NRG1: variants seen among roughly 807,000 people sequenced by gnomAD.
The protein encoded by NRG1 is pro-neuregulin-1, membrane-bound isoform.
Under a neutral mutation model 63.8 loss-of-function variants are expected in NRG1, and 18 were observed. The observed-to-expected ratio is 0.28, with a 90% CI of 0.19 to 0.42. The LOEUF is 0.42. Among genes scored for constraint, NRG1 ranks in the 10% least tolerant of loss-of-function variants. NRG1 has a pLI of 1.00. For missense variants in NRG1, 762 were observed against 814.7 expected (o/e 0.94, Z 0.79); for synonymous variants, 302 against 301.3 (o/e 1.00, Z -0.02).
intron 1 of NRG1, among the ~76,000 whole-genome samples, chr8:32,172,644 A>G (rs944340983): frequency 1.3e-5 from 2 of 152,230 alleles, no homozygotes; most frequent in African/African-American, 2.4e-5. Flanking sequence ...GATGTCCTTA[A>G]AGGACCTGAT....
At chr8:31,910,175 G>A (rs1832826468) in intron 1 of NRG1, among the ~76,000 whole-genome samples, 1 of 152,202 alleles carries the variant, frequency 6.6e-6, no homozygotes, top group Non-Finnish European at 1.5e-5. Context: ...ATGACACATA[G>A]GAAAGAATGT....
At chr8:31,889,924 C>A (rs993389901) in intron 1 of NRG1, among the ~76,000 whole-genome samples, 2 of 151,866 alleles carry the variant, frequency 1.3e-5, no homozygotes, top group Admixed American at 1.3e-4. Flanking sequence ...TATTAATTAA[C>A]CTGATAATTA....
At chr8:31,866,810 T>C (rs1187743410) in intron 1 of NRG1, among the ~76,000 whole-genome samples, 1 of 152,160 alleles carries the variant, frequency 6.6e-6, no homozygotes, top group Non-Finnish European at 1.5e-5. Flanking sequence ...TTCCATTGTT[T>C]AGTTATAAAG....
chr8:31,873,798 G>A (rs1393463787), intron 1 of NRG1, among the ~76,000 whole-genome samples: 1 of 152,166 alleles, frequency 6.6e-6, no homozygotes, highest in African/African-American at 2.4e-5. Context: ...GAATTTGTGT[G>A]TTTTAAAATA....
chr8:31,648,962 C>CT (rs58167732), intron 1 of NRG1, among the ~76,000 whole-genome samples: 3 of 136,582 alleles, frequency 2.2e-5, no homozygotes, highest in African/African-American at 8.2e-5. Flanking sequence ...TTTTTCTTTT[C>CT]TTTTTTTTTT....
chr8:32,135,075 G>A (rs1029976323), intron 1 of NRG1, among the ~76,000 whole-genome samples: 4 of 152,128 alleles, frequency 2.6e-5, no homozygotes, highest in African/African-American at 9.7e-5. Flanking sequence ...TGATGCTAAA[G>A]TCAGCATGAA....
chr8:32,634,099 TAAAA>T (rs57478389), intron 5 of NRG1, among the ~76,000 whole-genome samples: 1 of 86,792 alleles, frequency 1.2e-5, no homozygotes, highest in Non-Finnish European at 2.0e-5. Context: ...GATCTTGTCT[TAAAA>T]AAAAAAAAAA....
chr8:32,061,115 A>C (rs1443519444), intron 1 of NRG1, among the ~76,000 whole-genome samples: 1 of 152,020 alleles, frequency 6.6e-6, no homozygotes, highest in African/African-American at 2.4e-5. Flanking sequence ...TAAATATTTA[A>C]CATATAAATA....
At chr8:32,082,977 A>G (rs1827692521) in intron 1 of NRG1, among the ~76,000 whole-genome samples, 1 of 152,200 alleles carries the variant, frequency 6.6e-6, no homozygotes, top group South Asian at 2.1e-4. Context: ...ATAAAGGGCA[A>G]ATGAATAAAT....
At chr8:32,610,762 A>G (rs1048618318) in intron 3 of NRG1, among the ~76,000 whole-genome samples, 1 of 152,142 alleles carries the variant, frequency 6.6e-6, no homozygotes, top group Non-Finnish European at 1.5e-5. Flanking sequence ...AACCTATGCA[A>G]TCTGCTAATT....
At chr8:31,656,374 A>T (rs1805438308) in intron 1 of NRG1, among the ~76,000 whole-genome samples, 1 of 152,218 alleles carries the variant, frequency 6.6e-6, no homozygotes, top group African/African-American at 2.4e-5. Flanking sequence ...TTTAAATGTA[A>T]GAGTGCACAT....
intron 1 of NRG1, among the ~76,000 whole-genome samples, chr8:32,295,838 G>A (rs1446082557): frequency 1.3e-5 from 2 of 151,504 alleles, no homozygotes; most frequent in Non-Finnish European, 2.9e-5. Context: ...TCAGGAGGCC[G>A]AGGCAGGGGA....
intron 1 of NRG1, among the ~76,000 whole-genome samples, chr8:31,938,009 A>C (rs1027420966): frequency 1.3e-5 from 2 of 151,958 alleles, no homozygotes; most frequent in South Asian, 2.1e-4. Flanking sequence ...AAACCTTAAT[A>C]CTCAACCAGA....
chr8:31,714,567 A>G (rs754019266), intron 1 of NRG1, among the ~76,000 whole-genome samples: 157 of 152,186 alleles, frequency 1.0e-3, no homozygotes, highest in Non-Finnish European at 1.3e-3. Context: ...TTAGAGTTCT[A>G]TGTGAGAAAA....
At chr8:32,567,433 T>A (rs1837661689) in intron 1 of NRG1, among the ~76,000 whole-genome samples, 1 of 152,166 alleles carries the variant, frequency 6.6e-6, no homozygotes, top group East Asian at 1.9e-4. Context: ...AAAATTAGAT[T>A]AAAAAAGAAA....
chr8:32,586,447 T>A (rs544769659), intron 1 of NRG1, among the ~76,000 whole-genome samples: 54 of 152,278 alleles, frequency 3.5e-4, no homozygotes, highest in African/African-American at 1.3e-3. Context: ...CATTTTCCCT[T>A]GTAGAATTTT....
intron 1 of NRG1, among the ~76,000 whole-genome samples, chr8:32,429,266 C>T (rs1817827273): frequency 6.6e-6 from 1 of 152,094 alleles, no homozygotes; most frequent in Admixed American, 6.6e-5. Flanking sequence ...GAGAATTAGG[C>T]CAGAAGCAAC....
intron 1 of NRG1, among the ~76,000 whole-genome samples, chr8:32,068,835 A>G (rs987942460): frequency 2.6e-5 from 4 of 152,208 alleles, no homozygotes; most frequent in African/African-American, 9.6e-5. Flanking sequence ...ACTAAGTCTT[A>G]GTGCTATTGC....
chr8:32,611,643 T>G (rs749285406), intron 3 of NRG1, among the ~76,000 whole-genome samples: 73 of 152,064 alleles, frequency 4.8e-4, no homozygotes, highest in Non-Finnish European at 1.8e-4. Flanking sequence ...TTCAGGTACT[T>G]AAAGATGTTC....
Sources: allele counts gnomAD v4.1 joint callset (sites outside exome capture counted in the v4.1 genomes callset), GRCh38; gene constraint gnomAD v4.1.1; transcripts MANE v1.5; gene names NCBI Gene and HGNC (gene_info 2026-07-23, HGNC 2026-07-21).